BICC1: variants seen among roughly 807,000 people sequenced by gnomAD.
BICC1 encodes the protein BicC family RNA binding protein 1, also known as protein bicaudal C homolog 1.
In BICC1, 43 loss-of-function variants were observed where a neutral mutation model predicts 111.0. The observed-to-expected ratio is 0.39, with a 90% CI of 0.30 to 0.50. BICC1 has a LOEUF of 0.50. BICC1 is among the 20% of genes least tolerant of loss of function. The pLI is 0.88. For missense variants in BICC1, 1,091 were observed against 1,203.2 expected (o/e 0.91, Z 1.38); for synonymous variants, 467 against 434.4 (o/e 1.07, Z -0.93).
At chr10:58,827,398 A>G (rs913629385) in intron 20 of BICC1, among the ~76,000 whole-genome samples, 8 of 152,236 alleles carry the variant, frequency 5.3e-5, no homozygotes, top group African/African-American at 1.7e-4. Context: ...AGAATTTACC[A>G]TAGAGCCAGT....
Position 58,566,397 on chromosome 10 carries a change from CATTG to C in BICC1, c.190+53071_190+53074del, listed in dbSNP as rs1247041458. 8.0e-4 allele frequency among the ~76,000 whole-genome samples: 121 copies of C among 152,030 alleles called. 1 individual carries two copies. The highest frequency in any genetic ancestry group is 1.1e-3 in the Non-Finnish European group (72 of 67,990). ...GTACACCACGATTTCTTTATCCAGT[CATTG>C]ATTGATGGGCATTTAGGCTAGTTTC... On this transcript the variant is annotated intron_variant, in intron 1 of 20. Coordinates refer to ENST00000373886, the MANE Select transcript of BICC1 (RefSeq NM_001080512.3).
intron 3 of BICC1, among the ~76,000 whole-genome samples, chr10:58,707,770 T>A (rs1170890539): frequency 1.3e-5 from 2 of 152,006 alleles, no homozygotes; most frequent in East Asian, 3.9e-4. Context: ...CAATCTCGGC[T>A]CACCGCAACC....
chr10:58,559,496 T>C (rs1271224127), intron 1 of BICC1, among the ~76,000 whole-genome samples: 8 of 152,172 alleles, frequency 5.3e-5, no homozygotes, highest in African/African-American at 1.9e-4. Context: ...TAAGAATTGG[T>C]GGAGACTTTA....
At chr10:58,590,277 C>T (rs996725537) in intron 1 of BICC1, among the ~76,000 whole-genome samples, 4 of 152,126 alleles carry the variant, frequency 2.6e-5, no homozygotes, top group African/African-American at 4.8e-5. Flanking sequence ...CCTAGCTATG[C>T]GCAGTCTGGC....
rs184226679 is a variant in BICC1 at position 58,717,939 on chromosome 10, A to C, written c.307+15796A>C. On this transcript the variant is annotated intron_variant, in intron 3 of 20. Transcript: ENST00000373886. ...CTAGGCCAATCTAAATGGTGGAAAA[A>C]AAAAACAACAACAAAAAAACAAAAA... is the stretch of plus-strand genomic sequence containing the variant. Among the ~76,000 whole-genome samples the C allele has an allele frequency of 3.3e-3, 504 of 152,276 alleles. 4 individuals carry two copies. The highest frequency in any genetic ancestry group is 3.3e-3 in the African/African-American group (136 of 41,554).
At chr10:58,530,684 C>CAAAAAA (rs67946394) in intron 1 of BICC1, among the ~76,000 whole-genome samples, 2 of 86,520 alleles carry the variant, frequency 2.3e-5, no homozygotes, top group Non-Finnish European at 5.0e-5. Flanking sequence ...ACTTTAAATG[C>CAAAAAA]AAAAAAAAAA....
At chr10:58,561,327 A>G (rs1014483678) in intron 1 of BICC1, among the ~76,000 whole-genome samples, 10 of 151,222 alleles carry the variant, frequency 6.6e-5, no homozygotes, top group Middle Eastern at 3.2e-3. Context: ...ATAGTTTTTG[A>G]CTTAAAAATT....
At chr10:58,577,110 T>C (rs986742143) in intron 1 of BICC1, among the ~76,000 whole-genome samples, 1 of 152,222 alleles carries the variant, frequency 6.6e-6, no homozygotes, top group Non-Finnish European at 1.5e-5. Flanking sequence ...AGCTATCTGC[T>C]GGACCTGTGA....
At chr10:58,811,189 G>A (rs187126280) in intron 17 of BICC1, among the ~76,000 whole-genome samples, 1 of 152,252 alleles carries the variant, frequency 6.6e-6, no homozygotes, top group East Asian at 1.9e-4. Context: ...TCAAACAAAA[G>A]GCTGCTTTGA....
chr10:58,725,671 A>G (rs573075457), intron 3 of BICC1, among the ~76,000 whole-genome samples: 1 of 152,102 alleles, frequency 6.6e-6, no homozygotes, highest in South Asian at 2.1e-4. Context: ...GTCTTCTTGA[A>G]TTTTTCAGAT....
At chr10:58,822,880 G>A (rs547233045) in intron 20 of BICC1, among the ~76,000 whole-genome samples, 2 of 152,202 alleles carry the variant, frequency 1.3e-5, no homozygotes, top group Admixed American at 1.3e-4. Context: ...TAGGTCCAGA[G>A]TTTGCTTAAA....
At chr10:58,669,676 C>T (rs1275979463) in intron 2 of BICC1, among the ~76,000 whole-genome samples, 1 of 152,020 alleles carries the variant, frequency 6.6e-6, no homozygotes, top group Non-Finnish European at 1.5e-5. Context: ...TAAAATAGGT[C>T]CCACATAGCT....
chr10:58,588,417 T>A (rs1280791253), intron 1 of BICC1, among the ~76,000 whole-genome samples: 2 of 152,310 alleles, frequency 1.3e-5, no homozygotes, highest in East Asian at 3.9e-4. Flanking sequence ...CATCAGTCAC[T>A]TTGTTTTACA....
chr10:58,742,612 A>G (rs1332375956), intron 3 of BICC1, among the ~76,000 whole-genome samples: 2 of 151,216 alleles, frequency 1.3e-5, no homozygotes, highest in Non-Finnish European at 2.9e-5. Flanking sequence ...TAATTTTTGT[A>G]TTTTTAGTAG....
At chr10:58,700,860 G>A (rs1361599231) in intron 2 of BICC1, among the ~76,000 whole-genome samples, 1 of 152,154 alleles carries the variant, frequency 6.6e-6, no homozygotes, top group African/African-American at 2.4e-5. Context: ...AATTTGCCAA[G>A]TTTTCCAGAG....
chr10:58,772,337 C>A (rs1842642259), intron 3 of BICC1, among the ~76,000 whole-genome samples: 1 of 152,130 alleles, frequency 6.6e-6, no homozygotes, highest in African/African-American at 2.4e-5. Flanking sequence ...TGTGGCTTCT[C>A]TCACTTGCCT....
chr10:58,673,088 C>G (rs1278320788), intron 2 of BICC1, among the ~76,000 whole-genome samples: 1 of 152,188 alleles, frequency 6.6e-6, no homozygotes, highest in Non-Finnish European at 1.5e-5. Context: ...CATTAGTGCA[C>G]TTAAGCCTCC....
chr10:58,524,857 A>G (rs1842487643), intron 1 of BICC1, among the ~76,000 whole-genome samples: 2 of 152,198 alleles, frequency 1.3e-5, no homozygotes, highest in Non-Finnish European at 2.9e-5. Flanking sequence ...ACTCCAACAA[A>G]TTTACAAGAA....
At chr10:58,564,830 T>A (rs1047056937) in intron 1 of BICC1, among the ~76,000 whole-genome samples, 1 of 152,218 alleles carries the variant, frequency 6.6e-6, no homozygotes, top group African/African-American at 2.4e-5. Flanking sequence ...ATCCCTTTTT[T>A]ATTTATTTTG....
Sources: allele counts gnomAD v4.1 joint callset (sites outside exome capture counted in the v4.1 genomes callset), GRCh38; gene constraint gnomAD v4.1.1; transcripts MANE v1.5; gene names NCBI Gene and HGNC (gene_info 2026-07-23, HGNC 2026-07-21).